CYP24A1: variants seen among roughly 807,000 people sequenced by gnomAD.
CYP24A1 encodes cytochrome P450 family 24 subfamily A member 1, also known as 1,25-dihydroxyvitamin D(3) 24-hydroxylase, mitochondrial.
CYP24A1 carries 68 observed loss-of-function variants against 62.4 expected under a neutral mutation model. That is an observed-to-expected ratio of 1.09 (90% CI 0.90 to 1.33). CYP24A1 has a LOEUF of 1.33. CYP24A1 is among the 40% of genes most tolerant of loss of function. The pLI, the probability that CYP24A1 is intolerant of heterozygous loss-of-function variation, is 0.00. For missense variants in CYP24A1, 787 were observed against 653.0 expected (o/e 1.21, Z -2.24); for synonymous variants, 267 against 253.0 (o/e 1.06, Z -0.52).
Position 54,164,528 on chromosome 20 carries a change from T to A in CYP24A1, c.768A>T (p.Pro256=). The A allele has an allele frequency of 3.1e-6, 5 of 1,614,156 alleles. No homozygotes were observed. Among genetic ancestry groups the A allele is most frequent in the Non-Finnish European group, 4.2e-6 (5 of 1,180,008 alleles). The change falls in exon 6 of 12, where the codon CCA becomes CCT. Residue 256 remains proline (P), a synonymous_variant. Coordinates refer to ENST00000216862, the MANE Select transcript of CYP24A1 (RefSeq NM_000782.5). The part of the protein sequence containing the change: ...MSTFGRMMVT[P]VELHKSLNTK... ...TGTTGAGGCTCTTGTGCAGCTCGAC[T>A]GGAGTGACCATCATCCTCCCAAACG...
chr20:54,164,695 C>T (rs952621078), intron 5 of CYP24A1, 132 bp from the exon 6 acceptor site: 29 of 1,534,568 alleles, frequency 1.9e-5, no homozygotes, highest in East Asian at 7.3e-5. Context: ...AGGACACCCC[C>T]GGCTCTCTCT....
chr20:54,149,501 T>C (rs1229176418), downstream of CYP24A1, among the ~76,000 whole-genome samples: 2 of 152,118 alleles, frequency 1.3e-5, no homozygotes, highest in Non-Finnish European at 2.9e-5. Context: ...CCAAATAATT[T>C]TTTTGAGAGA....
chr20:54,159,168 C>T, intron 7 of CYP24A1, 45 bp from the exon 8 acceptor site: 1 of 1,461,068 alleles, frequency 6.8e-7, no homozygotes, highest in Non-Finnish European at 9.6e-7. Context: ...TAAATAACTG[C>T]ATTAAACCAC....
At chr20:54,165,712 G>C (rs769366632) in intron 5 of CYP24A1, 30 bp downstream of exon 5, 1 of 1,091,080 alleles carries the variant, frequency 9.2e-7, no homozygotes, top group East Asian at 2.3e-5. Context: ...CATCAATCAA[G>C]AAAACTGCTT....
At chr20:54,148,056 G>A in the CYP24A1 span, among the ~76,000 whole-genome samples, 3 of 152,064 alleles carry the variant, frequency 2.0e-5, no homozygotes, top group South Asian at 2.1e-4. Context: ...GGCTGGTCCC[G>A]AACTCTCGAC....
Position 54,173,757 on chromosome 20 carries a change from G to A in CYP24A1, c.-178C>T. The A allele has an allele frequency of 1.6e-6, 1 of 609,578 alleles. No homozygotes were observed. The highest frequency in any genetic ancestry group is 1.9e-5 in the South Asian group (1 of 51,792). The allele number at this position is 609,578 out of a possible 1,614,324, so 37.8% of individuals were successfully genotyped here. ...CAGCAGAAAGGACCTCGGCGAGGAT[G>A]CTCGACGCTGCACCACGCGACAGCC... is the stretch of plus-strand genomic sequence containing the variant. On this transcript the variant is annotated 5_prime_UTR_variant, in exon 1 of 12. Coordinates refer to ENST00000216862, the MANE Select transcript of CYP24A1 (RefSeq NM_000782.5). The surrounding 1 kb of genome is among the most constrained non-coding windows in gnomAD (Gnocchi z 7.2).
At position 54,158,834 on chromosome 20, in the gene CYP24A1, T is replaced by C. The variant is rs1018658095; in HGVS notation, c.1157+123A>G. The C allele has an allele frequency of 2.6e-5, 40 of 1,520,752 alleles. No individual in the cohort carries two copies. In the African/African-American group the frequency reaches 4.6e-4, roughly 17 times the overall value. 94.2% of individuals were successfully genotyped at this position (1,520,752 alleles called of 1,614,324 possible). A position where few individuals can be genotyped will look rare whatever the true frequency, so the allele number is the denominator to read the frequency against. On this transcript the variant is annotated intron_variant, in intron 8 of 11. Coordinates refer to ENST00000216862, the MANE Select transcript of CYP24A1 (RefSeq NM_000782.5). ...AGAAATATGGCTCCAAAGATTTTTTTGCAGTGTGATAATTGTTTCTAATTA... is the reference window on the plus strand; with the variant it reads ...AGAAATATGGCTCCAAAGATTTTTTCGCAGTGTGATAATTGTTTCTAATTA...
In CYP24A1 at chr20:54,165,846, A is replaced by G. The variant is rs1486658061; in HGVS notation, c.641-13T>C. 12 of 1,172,580 alleles carry G rather than the reference A, an allele frequency of 1.0e-5. No homozygotes were observed. Among genetic ancestry groups the G allele is most frequent in the Non-Finnish European group, 1.5e-5 (12 of 776,280 alleles). The allele number at this position is 1,172,580 out of a possible 1,614,324, so 72.6% of individuals were successfully genotyped here. The stretch of plus-strand genomic sequence containing the variant: ...ACGAGGCAGATACCTGTCATTTAAA[A>G]TAATCATCACTTTACACAAACAGCA... On this transcript the variant is annotated splice_polypyrimidine_tract_variant and intron_variant, in intron 4 of 11. Coordinates refer to ENST00000216862, the MANE Select transcript of CYP24A1 (RefSeq NM_000782.5).
At chr20:54,144,500 C>T in the CYP24A1 span, among the ~76,000 whole-genome samples, 1 of 151,766 alleles carries the variant, frequency 6.6e-6, no homozygotes, top group Non-Finnish European at 1.5e-5. Context: ...GGTGATCCTC[C>T]AGCCTCAGCC....
chr20:54,163,344 T>C (rs992482714), intron 6 of CYP24A1, among the ~76,000 whole-genome samples: 1 of 152,192 alleles, frequency 6.6e-6, no homozygotes, highest in Non-Finnish European at 1.5e-5. Flanking sequence ...AAGTAGAGTG[T>C]CCATCCATGT....
chr20:54,147,879 G>C, the CYP24A1 span, among the ~76,000 whole-genome samples: 1 of 152,066 alleles, frequency 6.6e-6, no homozygotes, highest in Non-Finnish European at 1.5e-5. Context: ...TTGTTGCCAG[G>C]CTGGAGTGCA....
intron 8 of CYP24A1, 69 bp downstream of exon 8, chr20:54,158,888 A>C (rs1428646881): frequency 9.9e-6 from 16 of 1,613,014 alleles, no homozygotes; most frequent in Non-Finnish European, 1.4e-5. Flanking sequence ...TGAGTAGGGG[A>C]CCACTTGTTT....
intron 4 of CYP24A1, among the ~76,000 whole-genome samples, chr20:54,168,736 T>G (rs1280852850): frequency 7.3e-6 from 1 of 137,532 alleles, no homozygotes; most frequent in East Asian, 2.2e-4. Flanking sequence ...TTTCTTTTCC[T>G]TCCCTCCTTC....
the CYP24A1 span, among the ~76,000 whole-genome samples, chr20:54,147,983 A>G: frequency 2.6e-5 from 4 of 151,848 alleles, no homozygotes; most frequent in Admixed American, 2.0e-4. Flanking sequence ...ACAGGCACAC[A>G]CCACCATGTC....
intron 4 of CYP24A1, among the ~76,000 whole-genome samples, chr20:54,167,185 A>C (rs1282707499): frequency 1.3e-5 from 2 of 152,212 alleles, no homozygotes; most frequent in East Asian, 1.9e-4. Flanking sequence ...TAGCTTAGTC[A>C]GCACCCACCC....
Position 54,173,434 on chromosome 20 carries a change from C to G in CYP24A1, c.146G>C (p.Gly49Ala). The G allele has an allele frequency of 6.4e-7, 1 of 1,570,652 alleles. No homozygotes were observed. The highest frequency in any genetic ancestry group is 8.6e-7 in the Non-Finnish European group (1 of 1,157,476). ...GGCGGCCGCGTTCTGAGTCTCGCCA[C>G]CAGCTGTCAGCGGGCAGACTGGCAC... ...REVPVCPLTA[G>A]GETQNAAALP... The change falls in exon 1 of 12, where the codon GGT (glycine) becomes GCT (alanine). Residue 49 changes from glycine to alanine, a missense_variant. Transcript: ENST00000216862. This position sits in a 1 kb window ranked among gnomAD's most constrained non-coding sequence, Gnocchi z 7.2.
At chr20:54,156,406 T>C (rs1289632423) in intron 11 of CYP24A1, among the ~76,000 whole-genome samples, 3 of 152,204 alleles carry the variant, frequency 2.0e-5, no homozygotes, top group African/African-American at 7.2e-5. Context: ...TGTTACTGGC[T>C]TTCAGTTGGG....
chr20:54,173,186 A>G lies in CYP24A1; in HGVS notation c.259-87T>C. On this transcript the variant is annotated intron_variant, in intron 1 of 11. Coordinates refer to ENST00000216862, the MANE Select transcript of CYP24A1 (RefSeq NM_000782.5). This position sits in a 1 kb window ranked among gnomAD's most constrained non-coding sequence, Gnocchi z 7.2. ...TCCCTCCTCCCGCCTCCTTCCTCCT[A>G]GGGGACCGGGGACCCTCCCTGCCCA... is the stretch of plus-strand genomic sequence containing the variant. 2 of 1,546,242 alleles carry G rather than the reference A, an allele frequency of 1.3e-6. No individual in the cohort carries two copies. The highest frequency in any genetic ancestry group is 1.8e-6 in the Non-Finnish European group (2 of 1,129,600).
At chr20:54,164,697 GCT>G (rs2092664894) in intron 5 of CYP24A1, 134 bp from the exon 6 acceptor site, 1 of 1,527,974 alleles carries the variant, frequency 6.5e-7, no homozygotes, top group East Asian at 2.4e-5. Flanking sequence ...GACACCCCCG[GCT>G]CTCTCTGCAC....
Sources: allele counts gnomAD v4.1 joint callset (sites outside exome capture counted in the v4.1 genomes callset), GRCh38; gene constraint gnomAD v4.1.1; non-coding constraint Gnocchi (gnomAD v3.1); transcripts MANE v1.5; gene names NCBI Gene and HGNC (gene_info 2026-07-23, HGNC 2026-07-21).